Variants in SFMBT1 observed in about 807,000 individuals in gnomAD.
The protein encoded by SFMBT1 is Scm like with four mbt domains 1, also known as scm-like with four MBT domains protein 1.
In SFMBT1, 32 loss-of-function variants were observed where a neutral mutation model predicts 108.7. That is an observed-to-expected ratio of 0.29 (90% confidence interval 0.22 to 0.40). The LOEUF is 0.40. Among genes scored for constraint, SFMBT1 ranks in the 10% least tolerant of loss-of-function variants. The pLI is 1.00. For missense variants in SFMBT1, 816 were observed against 1,059.6 expected, an observed-to-expected ratio of 0.77 and a Z score of 3.19; for synonymous variants, 348 against 369.5, an observed-to-expected ratio of 0.94 and a Z score of 0.67.
At chr3:52,918,385 T>C in intron 13 of SFMBT1, 99 bp downstream of exon 13, 1 of 916,204 alleles carries the variant, frequency 1.1e-6, no homozygotes, top group Non-Finnish European at 1.6e-6. Flanking sequence ...ATTAAAAAAT[T>C]ATGCTTCCAT....
rs1702876845 is a variant in SFMBT1 at position 52,932,078 on chromosome 3, C to T, written c.684G>A (p.Glu228=). The T allele has an allele frequency of 1.2e-6, 2 of 1,613,988 alleles. No homozygotes were observed. The highest frequency in any genetic ancestry group is 4.5e-5 in the East Asian group (2 of 44,882). The change falls in exon 6 of 21, where the codon GAG becomes GAA. Residue 228 remains glutamate (E), a synonymous_variant. Coordinates refer to ENST00000394752, the MANE Select transcript of SFMBT1 (RefSeq NM_016329.4). ...HVGWAAQQGY[E]LQPPSAIRHL... Reference sequence around the variant, plus strand: ...ACTCTTCACCTGAAGGGGGCTGAAGCTCATATCCCTGTTGAGCAGCCCAAC... The same window carrying T: ...ACTCTTCACCTGAAGGGGGCTGAAGTTCATATCCCTGTTGAGCAGCCCAAC...
At chr3:52,926,615 C>T (rs933281125) in intron 9 of SFMBT1, among the ~76,000 whole-genome samples, 1 of 152,144 alleles carries the variant, frequency 6.6e-6, no homozygotes, top group Non-Finnish European at 1.5e-5. Flanking sequence ...ATCCTCTTGT[C>T]ATTTTCAGAT....
At position 52,963,035 on chromosome 3, in the gene SFMBT1, C is replaced by T. The variant is rs559354429; in HGVS notation, c.28+6066G>A. On this transcript the variant is annotated intron_variant, in intron 2 of 20. Coordinates refer to ENST00000394752, the MANE Select transcript of SFMBT1 (RefSeq NM_016329.4). Reference sequence around the variant, plus strand: ...TTGAGATGGAGTTTCACTCTGTCACCCAGGCTGGAATGTGGTGGTGCGATC... The same window carrying T: ...TTGAGATGGAGTTTCACTCTGTCACTCAGGCTGGAATGTGGTGGTGCGATC... Among the ~76,000 whole-genome samples the T allele has an allele frequency of 7.2e-5, 11 of 151,742 alleles. No homozygotes were observed. The South Asian group carries it at 2.3e-3, about 32-fold the overall frequency.
At chr3:53,016,623 C>T (rs1699135177) in intron 1 of SFMBT1, among the ~76,000 whole-genome samples, 1 of 152,138 alleles carries the variant, frequency 6.6e-6, no homozygotes, top group Non-Finnish European at 1.5e-5. Flanking sequence ...TTGAGAAGTG[C>T]CTTCTCAAGT....
chr3:52,994,064 T>C (rs945551474), intron 1 of SFMBT1, among the ~76,000 whole-genome samples: 4 of 150,370 alleles, frequency 2.7e-5, no homozygotes, highest in African/African-American at 9.7e-5. Flanking sequence ...GGTTTATTCA[T>C]AAGCCATTAC....
At chr3:52,931,583 T>A (rs1702860988) in intron 6 of SFMBT1, among the ~76,000 whole-genome samples, 1 of 152,168 alleles carries the variant, frequency 6.6e-6, no homozygotes, top group Non-Finnish European at 1.5e-5. Context: ...CTCACGCCTG[T>A]AATCCCAGCA....
intron 4 of SFMBT1, among the ~76,000 whole-genome samples, chr3:52,938,939 C>T (rs1040907429): frequency 2.6e-5 from 4 of 152,152 alleles, no homozygotes; most frequent in African/African-American, 7.2e-5. Flanking sequence ...CTTACCTGTT[C>T]GTAACAGTTT....
intron 1 of SFMBT1, among the ~76,000 whole-genome samples, chr3:53,011,791 TG>T (rs1456735929): frequency 6.6e-6 from 1 of 152,196 alleles, no homozygotes; most frequent in Non-Finnish European, 1.5e-5. Context: ...GTGTTCACCA[TG>T]ACTAGTGAAC....
intron 1 of SFMBT1, among the ~76,000 whole-genome samples, chr3:53,041,228 C>T (rs1327562601): frequency 6.6e-6 from 1 of 151,964 alleles, no homozygotes; most frequent in Non-Finnish European, 1.5e-5. Context: ...TAATTACATA[C>T]ACGTTTTCAG....
intron 10 of SFMBT1, among the ~76,000 whole-genome samples, chr3:52,924,227 C>T (rs1343271285): frequency 6.6e-6 from 1 of 152,056 alleles, no homozygotes; most frequent in Non-Finnish European, 1.5e-5. Context: ...GGGGATCCAT[C>T]AAAACAAGGA....
At chr3:53,040,626 T>TA (rs11444774) in intron 1 of SFMBT1, among the ~76,000 whole-genome samples, 10,611 of 138,470 alleles carry the variant, frequency 0.077, 1,048 homozygotes, top group African/African-American at 0.23. Flanking sequence ...GTATGCCAGT[T>TA]AAAAAAAAAA....
intron 2 of SFMBT1, among the ~76,000 whole-genome samples, chr3:52,955,141 T>A (rs527424198): frequency 9.9e-5 from 15 of 151,930 alleles, no homozygotes; most frequent in African/African-American, 2.4e-4. Flanking sequence ...TTTGAAAAAA[T>A]TAATAAAATA....
rs1403993151 is a variant in SFMBT1, at chr3:52,906,176, T to G, written c.2397A>C (p.Ala799=). ...LDSNPLKWSV[A]DVVRFIRSTD... is the part of the protein sequence containing the mutation. ...TGGATCTGATGAACCGCACAACGTC[T>G]GCCACACTCCACTTCAAGGGGTTAC... Residue 799 remains alanine (A), a synonymous_variant, in exon 20 of 21, where the codon GCA becomes GCC. Transcript: ENST00000394752. 25 of 1,613,950 alleles carry G rather than the reference T, an allele frequency of 1.5e-5. No individual in the cohort carries two copies. The highest frequency in any genetic ancestry group is 1.9e-5 in the Non-Finnish European group (22 of 1,179,942).
chr3:52,974,474 T>C (rs1704447137), intron 1 of SFMBT1, among the ~76,000 whole-genome samples: 1 of 152,218 alleles, frequency 6.6e-6, no homozygotes, highest in African/African-American at 2.4e-5. Context: ...ACTACATGTT[T>C]TATTTGTCTA....
At chr3:52,918,184 C>T (rs1045359485) in intron 13 of SFMBT1, among the ~76,000 whole-genome samples, 2 of 152,120 alleles carry the variant, frequency 1.3e-5, no homozygotes, top group South Asian at 4.1e-4. Context: ...ACAATTTTTG[C>T]TCTTCCTTAA....
chr3:53,027,043 A>G (rs1699517146), intron 1 of SFMBT1, among the ~76,000 whole-genome samples: 1 of 152,168 alleles, frequency 6.6e-6, no homozygotes, highest in African/African-American at 2.4e-5. Context: ...TTGGCCTCCC[A>G]AAGTGCTAGG....
In SFMBT1 at chr3:53,046,049, T is replaced by C. The variant is rs1700234589; in HGVS notation, c.-364A>G. ...GCTCCGGCGGAGGCGGCGGCGGCGC[T>C]CCGCGCTCCGACTCATTCCAATATG... On this transcript the variant is annotated 5_prime_UTR_variant, in exon 1 of 21. Coordinates refer to ENST00000394752, the MANE Select transcript of SFMBT1 (RefSeq NM_016329.4). The C allele has an allele frequency of 6.7e-6, 1 of 149,172 alleles. No homozygotes were observed. Among genetic ancestry groups the C allele is most frequent in the Non-Finnish European group, 1.5e-5 (1 of 67,424 alleles). The allele number at this position is 149,172 out of a possible 1,614,324, so 9.2% of individuals were successfully genotyped here.
chr3:52,925,971 G>T, intron 10 of SFMBT1, 60 bp downstream of exon 10: 2 of 1,435,374 alleles, frequency 1.4e-6, no homozygotes, highest in African/African-American at 3.1e-5. Flanking sequence ...GGAAAGCAAG[G>T]GAAGCACAGC....
chr3:53,034,245 C>T (rs1699791170), intron 1 of SFMBT1, among the ~76,000 whole-genome samples: 1 of 152,032 alleles, frequency 6.6e-6, no homozygotes, highest in Non-Finnish European at 1.5e-5. Flanking sequence ...TGTAATAATA[C>T]TTTATAAAAT....
Sources: allele counts gnomAD v4.1 joint callset (sites outside exome capture counted in the v4.1 genomes callset), GRCh38; gene constraint gnomAD v4.1.1; transcripts MANE v1.5; gene names NCBI Gene and HGNC (gene_info 2026-07-23, HGNC 2026-07-21).